Variants in HS3ST4 observed in about 807,000 individuals in gnomAD.
HS3ST4 encodes heparan sulfate-glucosamine 3-sulfotransferase 4, also known as heparan sulfate glucosamine 3-O-sulfotransferase 4.
Under a neutral mutation model 29.2 loss-of-function variants are expected in HS3ST4, and 17 were observed. The observed-to-expected ratio is 0.58, with a 90% CI of 0.40 to 0.87. The LOEUF (loss-of-function observed/expected upper bound fraction) is 0.87. Ranked by LOEUF, HS3ST4 falls within the 40% of genes least tolerant of loss-of-function variation. The pLI, the probability that HS3ST4 is intolerant of heterozygous loss-of-function variation, is 0.00. For synonymous variants in HS3ST4, 314 were observed against 285.7 expected (o/e 1.10, Z -1.00); for missense variants, 627 against 634.5 (o/e 0.99, Z 0.13).
intron 1 of HS3ST4, among the ~76,000 whole-genome samples, chr16:26,022,318 G>A (rs1217504274): frequency 6.6e-6 from 1 of 152,034 alleles, no homozygotes; most frequent in Non-Finnish European, 1.5e-5. Flanking sequence ...GAATCTCAGT[G>A]GAAATTAAGG....
intron 1 of HS3ST4, among the ~76,000 whole-genome samples, chr16:26,068,571 T>C (rs1460960361): frequency 6.6e-6 from 1 of 152,146 alleles, no homozygotes; most frequent in Non-Finnish European, 1.5e-5. Flanking sequence ...CTCCCTAAAC[T>C]TCCCCTCTCC....
intron 1 of HS3ST4, among the ~76,000 whole-genome samples, chr16:26,101,837 C>G (rs189307184): frequency 4.6e-5 from 7 of 152,202 alleles, no homozygotes; most frequent in African/African-American, 1.7e-4. Context: ...AACCAAATAA[C>G]CAAGTTTATA....
chr16:25,828,292 CTTTCTTTCCCTCTCTCTCT>C (rs1967251344), intron 1 of HS3ST4, among the ~76,000 whole-genome samples: 5 of 81,104 alleles, frequency 6.2e-5, no homozygotes, highest in South Asian at 5.1e-4. Flanking sequence ...TTCTTTCTTT[CTTTCTTTCCCTCTCTCTCT>C]CTCTCTCTCT....
At chr16:26,090,412 G>A (rs8053766) in intron 1 of HS3ST4, among the ~76,000 whole-genome samples, 81,833 of 151,572 alleles carry the variant, frequency 0.54, 22,863 homozygotes, top group African/African-American at 0.67. Context: ...GCTGACAGAC[G>A]TTGAGGATGA....
chr16:26,107,250 TAC>T (rs372826067), intron 1 of HS3ST4, among the ~76,000 whole-genome samples: 1 of 151,486 alleles, frequency 6.6e-6, no homozygotes, highest in African/African-American at 2.4e-5. Flanking sequence ...AACACAAAAC[TAC>T]ACACACACAC....
At chr16:25,897,494 T>G (rs918539519) in intron 1 of HS3ST4, among the ~76,000 whole-genome samples, 34 of 152,160 alleles carry the variant, frequency 2.2e-4, no homozygotes, top group African/African-American at 7.7e-4. Flanking sequence ...AGGGGCACTT[T>G]GGACACAGAC....
chr16:25,997,892 G>A (rs999382239), intron 1 of HS3ST4, among the ~76,000 whole-genome samples: 5 of 152,056 alleles, frequency 3.3e-5, no homozygotes, highest in Non-Finnish European at 5.9e-5. Flanking sequence ...CCACCAAGTG[G>A]CTCTTCATTA....
At chr16:25,703,559 C>T (rs1966351621) in intron 1 of HS3ST4, among the ~76,000 whole-genome samples, 1 of 152,230 alleles carries the variant, frequency 6.6e-6, no homozygotes, top group South Asian at 2.1e-4. Context: ...TTATTTGTCT[C>T]AGAGTTCATT....
At chr16:25,903,273 CGT>C (rs71385584) in intron 1 of HS3ST4, among the ~76,000 whole-genome samples, 1,477 of 58,358 alleles carry the variant, frequency 0.025, 44 homozygotes, top group African/African-American at 0.047. Flanking sequence ...GAAGAATATA[CGT>C]GTGTGTGTGT....
chr16:25,956,188 C>T lies in HS3ST4; in HGVS notation c.735-179424C>T, dbSNP rs562989343. The stretch of plus-strand genomic sequence containing the variant: ...CCTGAAATTTAGAGATGCATCCTCT[C>T]GTCTTATTCTTCAACAACATGAAAC... On this transcript the variant is annotated intron_variant, in intron 1 of 1. Transcript: ENST00000331351. Among the ~76,000 whole-genome samples the T allele has an allele frequency of 6.6e-5, 10 of 152,286 alleles. 1 individual carries two copies. The highest frequency in any genetic ancestry group is 2.2e-4 in the African/African-American group (9 of 41,556).
At chr16:25,857,199 G>A (rs1182804900) in intron 1 of HS3ST4, among the ~76,000 whole-genome samples, 3 of 152,176 alleles carry the variant, frequency 2.0e-5, no homozygotes, top group African/African-American at 7.2e-5. Flanking sequence ...CCATTTAAGT[G>A]TTCCTATCAG....
At chr16:26,103,041 C>T (rs1362918988) in intron 1 of HS3ST4, among the ~76,000 whole-genome samples, 2 of 152,168 alleles carry the variant, frequency 1.3e-5, no homozygotes, top group Non-Finnish European at 2.9e-5. Flanking sequence ...GAACATATCA[C>T]TTTAGCTCAT....
chr16:26,049,867 T>C (rs1352093092), intron 1 of HS3ST4, among the ~76,000 whole-genome samples: 1 of 152,032 alleles, frequency 6.6e-6, no homozygotes, highest in East Asian at 1.9e-4. Context: ...TTATAAAGGA[T>C]GTTACAAAGG....
chr16:25,725,970 A>T (rs993110911), intron 1 of HS3ST4, among the ~76,000 whole-genome samples: 3 of 152,214 alleles, frequency 2.0e-5, no homozygotes, highest in Non-Finnish European at 4.4e-5. Context: ...TGCATTTTAT[A>T]TAATGACCTA....
intron 1 of HS3ST4, among the ~76,000 whole-genome samples, chr16:25,732,790 C>T (rs1966579504): frequency 6.6e-6 from 1 of 152,174 alleles, no homozygotes; most frequent in Non-Finnish European, 1.5e-5. Flanking sequence ...TTGTCGGTTT[C>T]TTTCTCCCTG....
At chr16:25,918,230 C>T (rs1196691507) in intron 1 of HS3ST4, among the ~76,000 whole-genome samples, 3 of 152,118 alleles carry the variant, frequency 2.0e-5, no homozygotes, top group African/African-American at 7.2e-5. Flanking sequence ...TTTATTTGGT[C>T]CATCAAGTAA....
intron 1 of HS3ST4, among the ~76,000 whole-genome samples, chr16:25,771,960 G>A (rs1297454337): frequency 3.9e-5 from 6 of 152,154 alleles, no homozygotes; most frequent in Admixed American, 2.6e-4. Context: ...TTTAGTGGAA[G>A]ATAGGATAAC....
At chr16:26,085,907 T>TAATAATAAC (rs1294102762) in intron 1 of HS3ST4, among the ~76,000 whole-genome samples, 19 of 150,090 alleles carry the variant, frequency 1.3e-4, no homozygotes, top group African/African-American at 4.7e-4. Flanking sequence ...ATAATAATAA[T>TAATAATAAC]AATAACAATA....
intron 1 of HS3ST4, among the ~76,000 whole-genome samples, chr16:25,747,097 A>G (rs777335948): frequency 3.9e-5 from 6 of 152,062 alleles, no homozygotes; most frequent in African/African-American, 1.4e-4. Context: ...GCTTCAAGCA[A>G]TACTGCCTCA....
Sources: allele counts gnomAD v4.1 joint callset (sites outside exome capture counted in the v4.1 genomes callset), GRCh38; gene constraint gnomAD v4.1.1; transcripts MANE v1.5; gene names NCBI Gene and HGNC (gene_info 2026-07-23, HGNC 2026-07-21).